The following NAV1 variants were observed in gnomAD, a reference collection of about 807,000 sequenced individuals.
NAV1 encodes pore membrane and/or filament interacting like protein 3.
A neutral mutation model predicts 175.2 loss-of-function variants in NAV1; 18 were observed. That is an observed-to-expected ratio of 0.10 (90% CI 0.07 to 0.15). The LOEUF (loss-of-function observed/expected upper bound fraction) is 0.15, where lower values mean the gene tolerates loss of function less well. NAV1 is among the 10% of genes least tolerant of loss of function. The pLI is 1.00. For missense variants in NAV1, 1,731 were observed against 2,436.6 expected, an observed-to-expected ratio of 0.71 and a Z score of 6.10; for synonymous variants, 897 against 978.7, an observed-to-expected ratio of 0.92 and a Z score of 1.56.
chr1:201,734,611 G>A (rs1478813252), intron 3 of NAV1, among the ~76,000 whole-genome samples: 3 of 152,060 alleles, frequency 2.0e-5, no homozygotes, highest in Non-Finnish European at 2.9e-5. Context: ...AATTAGCAAC[G>A]GAGAACCACT....
intron 2 of NAV1, among the ~76,000 whole-genome samples, chr1:201,636,641 G>A (rs7541399): frequency 0.018 from 2,768 of 152,222 alleles, 87 homozygotes; most frequent in African/African-American, 0.063. Flanking sequence ...AGGGGAGAGC[G>A]GAGAAATGCT....
intron 1 of NAV1, among the ~76,000 whole-genome samples, chr1:201,541,803 C>G (rs1006294547): frequency 5.9e-5 from 9 of 152,102 alleles, no homozygotes; most frequent in Non-Finnish European, 1.2e-4. Flanking sequence ...TTTTTCCTTT[C>G]TTGCCTAATC....
At chr1:201,802,180 C>T (rs1403624301) in intron 15 of NAV1, among the ~76,000 whole-genome samples, 1 of 145,802 alleles carries the variant, frequency 6.9e-6, no homozygotes, top group Non-Finnish European at 1.5e-5. Flanking sequence ...TGGCAGGGGC[C>T]TGTAATCTCA....
At chr1:201,755,257 A>C (rs1674381486) in intron 3 of NAV1, among the ~76,000 whole-genome samples, 1 of 151,886 alleles carries the variant, frequency 6.6e-6, no homozygotes, top group South Asian at 2.1e-4. Context: ...CCTGGGCAAC[A>C]AATTGAGGCC....
At chr1:201,613,892 T>C (rs1667924343) in intron 2 of NAV1, among the ~76,000 whole-genome samples, 1 of 152,094 alleles carries the variant, frequency 6.6e-6, no homozygotes, top group South Asian at 2.1e-4. Flanking sequence ...TTAGTCTTTA[T>C]AGCAACACTT....
In NAV1 at chr1:201,740,837, A is replaced by G. The variant is rs972694197; in HGVS notation, c.1226+22082A>G. ...GCTGGCCCTGGGACTCTCTGAGCTGACTTGGAAACTGCACTTCCAAGGGAG... is the reference window on the plus strand; with the variant it reads ...GCTGGCCCTGGGACTCTCTGAGCTGGCTTGGAAACTGCACTTCCAAGGGAG... On this transcript the variant is annotated intron_variant, in intron 3 of 29. Transcript: ENST00000367296. The surrounding 1 kb of genome is among the most constrained non-coding windows in gnomAD (Gnocchi z 4.7). Among the ~76,000 whole-genome samples, 1 of 152,046 alleles carries G rather than the reference A, an allele frequency of 6.6e-6. No individual in the cohort carries two copies. The highest frequency in any genetic ancestry group is 1.9e-4 in the East Asian group (1 of 5,182).
intron 1 of NAV1, among the ~76,000 whole-genome samples, chr1:201,542,127 AC>A (rs1355704367): frequency 6.6e-6 from 1 of 152,158 alleles, no homozygotes; most frequent in African/African-American, 2.4e-5. Flanking sequence ...GAGCTACACA[AC>A]TGGGGTACTG....
chr1:201,649,909 ACTTCCTC>A (rs1669122869), intron 1 of NAV1, among the ~76,000 whole-genome samples: 1 of 151,608 alleles, frequency 6.6e-6, no homozygotes, highest in Non-Finnish European at 1.5e-5. Context: ...CTGAGGCTCC[ACTTCCTC>A]TGTGGATCCC....
chr1:201,692,656 A>G (rs1161033296), intron 1 of NAV1, among the ~76,000 whole-genome samples: 1 of 152,248 alleles, frequency 6.6e-6, no homozygotes, highest in East Asian at 1.9e-4. Context: ...AAAGGCTCAC[A>G]TATGTGACAA....
chr1:201,709,144 C>CAAA lies in NAV1; in HGVS notation c.758-3673_758-3672insAAA, dbSNP rs112333135. On this transcript the variant is annotated intron_variant, in intron 1 of 29. Transcript: ENST00000367296. ...CAGGAGACAGAGTAAGACCCTGTCT[C>CAAA]CAAAAAAAAAAAAAAAACCATTGAA... Among the ~76,000 whole-genome samples, 603 of 117,346 alleles carry CAAA rather than the reference C, an allele frequency of 5.1e-3. 15 individuals are homozygous for CAAA. The highest frequency in any genetic ancestry group is 0.017 in the African/African-American group (536 of 31,434). The allele number at this position is 117,346 out of a possible 152,430, so 77.0% of individuals were successfully genotyped here.
intron 1 of NAV1, among the ~76,000 whole-genome samples, chr1:201,560,793 A>G (rs1666173689): frequency 6.6e-6 from 1 of 152,184 alleles, no homozygotes; most frequent in African/African-American, 2.4e-5. Flanking sequence ...GAGCCACAGA[A>G]GGCTTTGGGA....
chr1:201,697,454 C>A (rs1486463856), intron 1 of NAV1, among the ~76,000 whole-genome samples: 1 of 152,182 alleles, frequency 6.6e-6, no homozygotes, highest in Non-Finnish European at 1.5e-5. Context: ...CTTGCTCATA[C>A]CTTGCCCCCA....
At chr1:201,678,408 C>G (rs1370910082) in intron 1 of NAV1, among the ~76,000 whole-genome samples, 1 of 152,130 alleles carries the variant, frequency 6.6e-6, no homozygotes, top group Non-Finnish European at 1.5e-5. Context: ...TTTGATCAGT[C>G]TTTACTCCAA....
intron 3 of NAV1, among the ~76,000 whole-genome samples, chr1:201,758,816 G>A (rs1045128840): frequency 1.3e-5 from 2 of 152,130 alleles, no homozygotes; most frequent in African/African-American, 2.4e-5. Context: ...TATCTCTCTC[G>A]TAATGGAAGT....
upstream of NAV1, among the ~76,000 whole-genome samples, chr1:201,644,140 C>T (rs773440464): frequency 3.0e-4 from 46 of 152,290 alleles, no homozygotes; most frequent in Admixed American, 1.3e-3. Context: ...CCAGCACCCA[C>T]TGCCTGCCCA....
Position 201,691,048 on chromosome 1 carries a change from G to A in NAV1, c.758-21769G>A, listed in dbSNP as rs1006329016. ...GGGAGGGGGAGTTGTTAATGTTAAC[G>A]GTTCAGCACAACAGAAAGGAGGTGG... On this transcript the variant is annotated intron_variant, in intron 1 of 29. Transcript: ENST00000367296. Among the ~76,000 whole-genome samples, 11 of 152,282 alleles carry A rather than the reference G, an allele frequency of 7.2e-5. 1 individual carries two copies. The highest frequency in any genetic ancestry group is 6.8e-3 in the Middle Eastern group (2 of 292).
At chr1:201,798,053 AC>A (rs1470988661) in intron 15 of NAV1, 1 of 152,046 alleles carries the variant, frequency 6.6e-6, no homozygotes, top group Non-Finnish European at 1.5e-5. Flanking sequence ...ACACAAGCCA[AC>A]CTTTTCCCTT....
At chr1:201,809,838 CT>C (rs1678578342) in intron 22 of NAV1, 107 bp from the exon 27 acceptor site, 1 of 1,108,076 alleles carries the variant, frequency 9.0e-7, no homozygotes, top group South Asian at 1.5e-5. Context: ...AGCATATGCT[CT>C]GCACTTTCTC....
At chr1:201,708,675 G>A (rs1671773149) in intron 1 of NAV1, among the ~76,000 whole-genome samples, 1 of 152,170 alleles carries the variant, frequency 6.6e-6, no homozygotes, top group Admixed American at 6.5e-5. Context: ...TAAGATGGGA[G>A]TATTCTGAGC....
Sources: gnomAD v4.1 joint callset for allele counts (sites outside exome capture counted in the v4.1 genomes callset) on GRCh38, gnomAD v4.1.1 for gene constraint, Gnocchi (gnomAD v3.1) non-coding constraint, MANE v1.5 for transcripts, NCBI Gene and HGNC (gene_info 2026-07-23, HGNC 2026-07-21) for gene names.